Variants in SUPT6H observed in about 807,000 individuals in gnomAD.
The protein encoded by SUPT6H is transcription elongation factor SPT6.
A neutral mutation model predicts 222.3 loss-of-function variants in SUPT6H; 11 were observed. That is an observed-to-expected ratio of 0.05 (90% CI 0.03 to 0.08). SUPT6H has a LOEUF of 0.08. Ranked by LOEUF, SUPT6H falls within the 10% of genes least tolerant of loss-of-function variation. The pLI is 1.00. For synonymous variants in SUPT6H, 762 were observed against 801.2 expected (o/e 0.95, Z 0.83); for missense variants, 1,422 against 2,216.0 (o/e 0.64, Z 7.19).
intron 2 of SUPT6H, 125 bp downstream of exon 2, chr17:28,673,635 T>G: frequency 2.9e-6 from 2 of 700,304 alleles, no homozygotes; most frequent in East Asian, 5.5e-5. Flanking sequence ...GCTTGAGAAC[T>G]TTCAGTCATT....
chr17:28,672,845 C>T (rs1468277715), intron 1 of SUPT6H: 1 of 152,118 alleles, frequency 6.6e-6, no homozygotes, highest in African/African-American at 2.4e-5. Context: ...CTGGCTTTTG[C>T]CTTCTTTTTG....
At chr17:28,680,165 G>A (rs2031016617) in intron 11 of SUPT6H, among the ~76,000 whole-genome samples, 1 of 149,540 alleles carries the variant, frequency 6.7e-6, no homozygotes, top group Non-Finnish European at 1.5e-5. Flanking sequence ...AATTAGCTCG[G>A]TGTGGTGGCA....
At position 28,688,306 on chromosome 17, in the gene SUPT6H, C is replaced by G; in HGVS notation, c.3134+88C>G. 6.9e-7 allele frequency: 1 copy of G among 1,446,502 alleles called. No individual in the cohort carries two copies. Among genetic ancestry groups the G allele is most frequent in the Non-Finnish European group, 9.2e-7 (1 of 1,085,862 alleles). 89.6% of individuals were successfully genotyped at this position (1,446,502 alleles called of 1,614,324 possible). A position where few individuals can be genotyped will look rare whatever the true frequency, so the allele number is the denominator to read the frequency against. ...AGGGGTTAGGGCTATCAAAGGGCCACAAGCCATTTTAACTTAGGAAATGTT... is the reference window on the plus strand; with the variant it reads ...AGGGGTTAGGGCTATCAAAGGGCCAGAAGCCATTTTAACTTAGGAAATGTT... On this transcript the variant is annotated intron_variant, in intron 24 of 36. Transcript: ENST00000314616. The surrounding 1 kb of genome is among the most constrained non-coding windows in gnomAD (Gnocchi z 4.3).
At chr17:28,668,803 G>T (rs570941931) in intron 1 of SUPT6H, among the ~76,000 whole-genome samples, 4 of 152,316 alleles carry the variant, frequency 2.6e-5, no homozygotes, top group South Asian at 4.1e-4. Flanking sequence ...TAATGGCTCA[G>T]TTCAGGGCTG....
chr17:28,701,962 A>G lies in SUPT6H; in HGVS notation c.*337A>G, dbSNP rs1482469859. The G allele has an allele frequency of 4.3e-6, 1 of 234,732 alleles. No homozygotes were observed. The highest frequency in any genetic ancestry group is 8.3e-6 in the Non-Finnish European group (1 of 119,828). 14.5% of individuals were successfully genotyped at this position (234,732 alleles called of 1,614,324 possible). On this transcript the variant is annotated 3_prime_UTR_variant, in exon 37 of 37. Transcript: ENST00000314616. ...CAAGCCATTTTGAACTTCTGCCCTC[A>G]CCGGACTCTGGGCTGTGACTGGGGC...
intron 33 of SUPT6H, 136 bp from the exon 34 acceptor site, chr17:28,700,037 G>A: frequency 7.0e-7 from 1 of 1,427,470 alleles, no homozygotes; most frequent in Non-Finnish European, 9.8e-7. Flanking sequence ...CCCAGCACCA[G>A]GAAGGTTCTC....
In SUPT6H at chr17:28,701,005, C is replaced by A. The variant is rs767684240; in HGVS notation, c.4871C>A (p.Thr1624Lys). 6.2e-7 allele frequency: 1 copy of A among 1,614,158 alleles called. No individual in the cohort carries two copies. Among genetic ancestry groups the A allele is most frequent in the South Asian group, 1.1e-5 (1 of 91,082 alleles). ...CTAATGACCCCTAGCTACTCCTACA[C>A]GACCCCAAGCCAGCCCATCACCACC... ...TPLMTPSYSY[T>K]TPSQPITTPQ... The change falls in exon 36 of 37, where the codon ACG (threonine) becomes AAG (lysine). Residue 1624 changes from threonine to lysine, a missense_variant. Transcript: ENST00000314616.
intron 1 of SUPT6H, among the ~76,000 whole-genome samples, chr17:28,671,539 G>T (rs1283022577): frequency 1.3e-5 from 2 of 152,164 alleles, no homozygotes; most frequent in Admixed American, 6.5e-5. Context: ...CAGCTTTAGG[G>T]TTCCACAATG....
chr17:28,688,415 G>A lies in SUPT6H; in HGVS notation c.3134+197G>A, dbSNP rs762811122. Reference sequence around the variant, plus strand: ...GGTTCAATCATGTGAAACATTTTTCGTGTGAGAGAAACATAAAAAGTACCA... The same window carrying A: ...GGTTCAATCATGTGAAACATTTTTCATGTGAGAGAAACATAAAAAGTACCA... On this transcript the variant is annotated intron_variant, in intron 24 of 36. Coordinates refer to ENST00000314616, the MANE Select transcript of SUPT6H (RefSeq NM_003170.5). The surrounding 1 kb of genome is among the most constrained non-coding windows in gnomAD (Gnocchi z 4.3). 1.1e-4 allele frequency: 55 copies of A among 491,966 alleles called. No individual in the cohort carries two copies. The highest frequency in any genetic ancestry group is 1.0e-4 in the African/African-American group (5 of 50,036). 30.5% of individuals were successfully genotyped at this position (491,966 alleles called of 1,614,324 possible). A position where few individuals can be genotyped will look rare whatever the true frequency, so the allele number is the denominator to read the frequency against.
intron 4 of SUPT6H, 106 bp downstream of exon 4, chr17:28,674,719 T>C: frequency 1.9e-6 from 2 of 1,073,934 alleles, no homozygotes; most frequent in Non-Finnish European, 2.9e-6. Flanking sequence ...TGGAGAACAT[T>C]AGAGCACGGT....
At position 28,668,870 on chromosome 17, in the gene SUPT6H, A is replaced by G. The variant is rs538560295; in HGVS notation, c.-31-4501A>G. Among the ~76,000 whole-genome samples the G allele has an allele frequency of 3.0e-4, 45 of 152,306 alleles. No individual in the cohort carries two copies. The East Asian group carries it at 8.1e-3, about 27-fold the overall frequency. ...CTCTAGATTTAATTGGCAGAAGTTTAAGACTTTCACTTTTGGCAGTGCTCA... is the reference window on the plus strand; with the variant it reads ...CTCTAGATTTAATTGGCAGAAGTTTGAGACTTTCACTTTTGGCAGTGCTCA... On this transcript the variant is annotated intron_variant, in intron 1 of 36. Coordinates refer to ENST00000314616, the MANE Select transcript of SUPT6H (RefSeq NM_003170.5).
rs973133760 is a variant in SUPT6H, at chr17:28,690,780, A to G, written c.3491-141A>G. 3 of 1,004,066 alleles carry G rather than the reference A, an allele frequency of 3.0e-6. No homozygotes were observed. In the African/African-American group the frequency reaches 4.9e-5, roughly 16 times the overall value. 62.2% of individuals were successfully genotyped at this position (1,004,066 alleles called of 1,614,324 possible). On this transcript the variant is annotated intron_variant, in intron 26 of 36. Transcript: ENST00000314616. The stretch of plus-strand genomic sequence containing the variant: ...CAGAGCAAGACTTCATCTCAAAAAT[A>G]AATAAATAAATAAAAATCGGGAAGA...
intron 10 of SUPT6H, 55 bp from the exon 11 acceptor site, chr17:28,678,766 C>G: frequency 1.9e-6 from 3 of 1,613,590 alleles, no homozygotes; most frequent in Non-Finnish European, 2.5e-6. Flanking sequence ...ATCAGAGCAG[C>G]CTTGAGTCTC....
chr17:28,698,174 G>A (rs1220425624), intron 32 of SUPT6H, 144 bp downstream of exon 32: 3 of 1,217,376 alleles, frequency 2.5e-6, no homozygotes, highest in Non-Finnish European at 3.3e-6. Context: ...GGAGGTTGGA[G>A]GTGGGAAAAG....
intron 6 of SUPT6H, among the ~76,000 whole-genome samples, chr17:28,675,720 G>C (rs2030704650): frequency 6.6e-6 from 1 of 152,168 alleles, no homozygotes; most frequent in African/African-American, 2.4e-5. Flanking sequence ...CATGGGCAAG[G>C]CTCCAGCATT....
At chr17:28,699,235 T>C (rs1216155328) in intron 32 of SUPT6H, among the ~76,000 whole-genome samples, 1 of 152,180 alleles carries the variant, frequency 6.6e-6, no homozygotes, top group Non-Finnish European at 1.5e-5. Flanking sequence ...ACTGGACAAA[T>C]GAAGCAGAGA....
intron 17 of SUPT6H, 92 bp downstream of exon 17, chr17:28,683,908 T>C (rs1708172497): frequency 8.1e-7 from 1 of 1,234,620 alleles, no homozygotes; most frequent in Admixed American, 2.6e-5. Context: ...CAATCTTGGC[T>C]CACTGCAAGC....
chr17:28,675,146 A>T lies in SUPT6H; in HGVS notation c.522A>T (p.Glu174Asp), dbSNP rs2030665663. 6.2e-7 allele frequency: 1 copy of T among 1,611,002 alleles called. No individual in the cohort carries two copies. Residue 174 changes from glutamate (E) to aspartate (D), a missense_variant, in exon 5 of 37, where the codon GAA becomes GAT. Coordinates refer to ENST00000314616, the MANE Select transcript of SUPT6H (RefSeq NM_003170.5). ...TGGCTCCTCCAGAGGAGGAGGAAGA[A>T]GATGATGAGGAGTCAGGTATGTTAT... is the stretch of plus-strand genomic sequence containing the variant. Reference protein sequence around the residue: ...APMAPPEEEEEDDEESDIDDF... With the variant: ...APMAPPEEEEDDDEESDIDDF...
At chr17:28,674,711 G>C in intron 4 of SUPT6H, 98 bp downstream of exon 4, 1 of 1,120,288 alleles carries the variant, frequency 8.9e-7, no homozygotes, top group African/African-American at 1.5e-5. Context: ...GGACAGTTTG[G>C]AGAACATTAG....
Sources: allele counts gnomAD v4.1 joint callset (sites outside exome capture counted in the v4.1 genomes callset), GRCh38; gene constraint gnomAD v4.1.1; non-coding constraint Gnocchi (gnomAD v3.1); transcripts MANE v1.5; gene names NCBI Gene and HGNC (gene_info 2026-07-23, HGNC 2026-07-21).